The following DOT1L variants were observed in gnomAD, a reference collection of about 807,000 sequenced individuals.
The protein encoded by DOT1L is DOT1 like histone lysine methyltransferase.
In DOT1L, 33 loss-of-function variants were observed where a neutral mutation model predicts 153.3. That is an observed-to-expected ratio of 0.22 (90% CI 0.16 to 0.29). The LOEUF (loss-of-function observed/expected upper bound fraction) is 0.29. Among genes scored for constraint, DOT1L ranks in the 10% least tolerant of loss-of-function variants. The pLI, the probability that DOT1L is intolerant of heterozygous loss-of-function variation, is 1.00. For missense variants in DOT1L, 1,847 were observed against 2,119.9 expected, an observed-to-expected ratio of 0.87 and a Z score of 2.53; for synonymous variants, 1,135 against 965.1, an observed-to-expected ratio of 1.18 and a Z score of -3.26.
At chr19:2,188,526 G>A (rs899939283) in intron 3 of DOT1L, among the ~76,000 whole-genome samples, 1 of 144,428 alleles carries the variant, frequency 6.9e-6, no homozygotes, top group African/African-American at 2.6e-5. Context: ...CTCGGCGCTG[G>A]GGATGTGGAA....
intron 3 of DOT1L, among the ~76,000 whole-genome samples, chr19:2,186,356 A>AT (rs1307274947): frequency 6.6e-6 from 1 of 150,848 alleles, no homozygotes; most frequent in Non-Finnish European, 1.5e-5. Context: ...TGCGTTAGCA[A>AT]TTTCGCCCTG....
intron 19 of DOT1L, 120 bp downstream of exon 19, chr19:2,214,716 A>G: frequency 7.0e-7 from 1 of 1,424,472 alleles, no homozygotes; most frequent in Non-Finnish European, 9.3e-7. Flanking sequence ...GTGGAGGAGG[A>G]CAGTTGGGTG....
chr19:2,211,105 A>G lies in DOT1L; in HGVS notation c.1358A>G (p.Tyr453Cys), dbSNP rs1354245062. 6.2e-7 allele frequency: 1 copy of G among 1,612,562 alleles called. No homozygotes were observed. The highest frequency in any genetic ancestry group is 8.5e-7 in the Non-Finnish European group (1 of 1,179,458). The change falls in exon 15 of 28, where the codon TAC becomes TGC. Residue 453 changes from tyrosine to cysteine, a missense_variant. This residue lies in a region of DOT1L where 205 missense variants were observed against 203.1 expected (regional missense o/e 1.01). Transcript: ENST00000398665. ...CTGCCCTCCGCTCTCCCAGATGCCT[A>G]CAGATCCCCTCACAGCCCGTTCTAC... Reference protein sequence around the residue: ...QTAASSPQDAYRSPHSPFYQL... With the variant: ...QTAASSPQDACRSPHSPFYQL...
intron 23 of DOT1L, chr19:2,221,674 G>A: frequency 2.3e-6 from 1 of 438,862 alleles, no homozygotes; most frequent in Non-Finnish European, 4.1e-6. Context: ...CTCAGAGGAA[G>A]CCTAGCTCAG....
intron 18 of DOT1L, 125 bp from the exon 19 acceptor site, chr19:2,214,346 G>A (rs1027622489): frequency 1.2e-5 from 18 of 1,447,272 alleles, no homozygotes; most frequent in African/African-American, 2.8e-5. Flanking sequence ...TTCCAGAAAC[G>A]GGGTCTGTGC....
intron 19 of DOT1L, chr19:2,215,604 G>C (rs192740571): frequency 6.6e-6 from 1 of 152,392 alleles, no homozygotes; most frequent in East Asian, 1.9e-4. Flanking sequence ...GGCTGTCCCC[G>C]GAGGCGGGCT....
intron 1 of DOT1L, among the ~76,000 whole-genome samples, chr19:2,167,502 C>A (rs1479740254): frequency 1.3e-5 from 2 of 152,204 alleles, no homozygotes; most frequent in Non-Finnish European, 2.9e-5. Context: ...TGTGCCGTGT[C>A]TTTCCCTCCC....
intron 19 of DOT1L, chr19:2,215,879 G>C (rs1184900117): frequency 5.8e-6 from 1 of 172,520 alleles, no homozygotes; most frequent in Non-Finnish European, 1.2e-5. Flanking sequence ...CAGGTAAACA[G>C]AACAGATAAA....
chr19:2,230,601 C>T lies in DOT1L; in HGVS notation c.*809C>T, dbSNP rs2144968767. The T allele has an allele frequency of 5.0e-6, 2 of 398,580 alleles. No individual in the cohort carries two copies. Among genetic ancestry groups the T allele is most frequent in the South Asian group, 1.3e-4 (1 of 7,848 alleles). 24.7% of individuals were successfully genotyped at this position (398,580 alleles called of 1,614,324 possible). On this transcript the variant is annotated 3_prime_UTR_variant, in exon 28 of 28. Transcript: ENST00000398665. Reference sequence around the variant, plus strand: ...GATGCGGGGCAGGCCTGTCGTGGGTCCCTTGGTGTTTCTGTACAGGAGAGA... The same window carrying T: ...GATGCGGGGCAGGCCTGTCGTGGGTTCCTTGGTGTTTCTGTACAGGAGAGA...
intron 8 of DOT1L, among the ~76,000 whole-genome samples, chr19:2,202,085 G>A (rs572380080): frequency 1.3e-5 from 2 of 152,348 alleles, no homozygotes; most frequent in South Asian, 2.1e-4. Context: ...GAGCTCAGCC[G>A]ACCTCACGTC....
intron 8 of DOT1L, among the ~76,000 whole-genome samples, chr19:2,202,329 C>T (rs941931098): frequency 1.3e-5 from 2 of 152,226 alleles, no homozygotes; most frequent in African/African-American, 4.8e-5. Flanking sequence ...GCAGTCCAGC[C>T]CCGTGCTGGG....
rs970472243 is a variant in DOT1L, at chr19:2,230,235, G to C, written c.*443G>C. On this transcript the variant is annotated 3_prime_UTR_variant, in exon 28 of 28. Transcript: ENST00000398665. ...CTAGACGCTGACAACGCCGAACCCCGTTCTCGGAAACGCCGCCCGGCCGGC... is the reference window on the plus strand; with the variant it reads ...CTAGACGCTGACAACGCCGAACCCCCTTCTCGGAAACGCCGCCCGGCCGGC... 5 of 413,246 alleles carry C rather than the reference G, an allele frequency of 1.2e-5. No individual in the cohort carries two copies. The highest frequency in any genetic ancestry group is 4.1e-5 in the African/African-American group (2 of 48,788). 25.6% of individuals were successfully genotyped at this position (413,246 alleles called of 1,614,324 possible).
intron 8 of DOT1L, among the ~76,000 whole-genome samples, chr19:2,200,615 C>T (rs948992038): frequency 4.6e-5 from 7 of 152,096 alleles, no homozygotes; most frequent in African/African-American, 1.7e-4. Context: ...GGTCAGCAGC[C>T]GGCTGGGCCC....
chr19:2,205,296 C>T (rs1221859969), intron 9 of DOT1L, among the ~76,000 whole-genome samples: 1 of 152,174 alleles, frequency 6.6e-6, no homozygotes, highest in Admixed American at 6.6e-5. Context: ...TGATTACCTT[C>T]TTTATATGTG....
rs777936196 is a variant in DOT1L, at chr19:2,226,214, C to T, written c.3693C>T (p.Pro1231=). 263 of 1,527,150 alleles carry T rather than the reference C, an allele frequency of 1.7e-4. No individual in the cohort carries two copies. The highest frequency in any genetic ancestry group is 2.1e-4 in the Non-Finnish European group (243 of 1,135,064). 94.6% of individuals were successfully genotyped at this position (1,527,150 alleles called of 1,614,324 possible). ...GGGLAGRKPA[P]AGEPVNSSKW... ...GCTTGGCGGGAAGGAAGCCCGCGCC[C>T]GCCGGCGAGCCAGTCAATAGCAGCA... Residue 1231 remains proline, a synonymous_variant, in exon 27 of 28, where the codon CCC becomes CCT. Coordinates refer to ENST00000398665, the MANE Select transcript of DOT1L (RefSeq NM_032482.3).
At chr19:2,177,521 T>C (rs1453411669) in intron 1 of DOT1L, among the ~76,000 whole-genome samples, 1 of 152,124 alleles carries the variant, frequency 6.6e-6, no homozygotes, top group African/African-American at 2.4e-5. Context: ...ATAATTTTTG[T>C]ATTACTAGTG....
rs28470411 is a variant in DOT1L at position 2,195,332 on chromosome 19, G to A, written c.651+755G>A. ...GGTCCTTTCCACACAGAGGCCTGCA[G>A]AGCTGGGTCCTTCCTTGACCTGTGT... On this transcript the variant is annotated intron_variant, in intron 7 of 27. Transcript: ENST00000398665. Among the ~76,000 whole-genome samples the A allele has an allele frequency of 4.0e-3, 613 of 152,256 alleles. 6 individuals carry two copies. The highest frequency in any genetic ancestry group is 0.031 in the East Asian group (160 of 5,164).
At chr19:2,199,640 C>T (rs1290335247) in intron 7 of DOT1L, among the ~76,000 whole-genome samples, 11 of 152,318 alleles carry the variant, frequency 7.2e-5, no homozygotes, top group South Asian at 2.1e-4. Context: ...CCTCCCCAAG[C>T]GGATGCTGGA....
chr19:2,203,808 C>G (rs1435491615), intron 9 of DOT1L, among the ~76,000 whole-genome samples: 1 of 152,196 alleles, frequency 6.6e-6, no homozygotes, highest in African/African-American at 2.4e-5. Context: ...GGGGATTGTG[C>G]TGCCTGCCTT....
Sources: gnomAD v4.1 joint callset for allele counts (sites outside exome capture counted in the v4.1 genomes callset) on GRCh38, gnomAD v4.1.1 for gene constraint, gnomAD v4.1.1 regional missense constraint, MANE v1.5 for transcripts, NCBI Gene and HGNC (gene_info 2026-07-23, HGNC 2026-07-21) for gene names.